TCF7L2: variants seen among roughly 807,000 people sequenced by gnomAD.
The protein encoded by TCF7L2 is transcription factor 7-like 2.
TCF7L2 carries 23 observed loss-of-function variants against 77.9 expected under a neutral mutation model. The ratio of observed to expected loss-of-function variants is 0.30; its 90% CI spans 0.21 to 0.42. TCF7L2 has a LOEUF of 0.42. Among genes scored for constraint, TCF7L2 ranks in the 10% least tolerant of loss-of-function variants. The pLI is 1.00. For missense variants in TCF7L2, 654 were observed against 793.1 expected, an observed-to-expected ratio of 0.82 and a Z score of 2.11; for synonymous variants, 413 against 340.2, an observed-to-expected ratio of 1.21 and a Z score of -2.36.
At chr10:113,029,586 G>A (rs191541959) in intron 4 of TCF7L2, among the ~76,000 whole-genome samples, 1 of 150,508 alleles carries the variant, frequency 6.6e-6, no homozygotes, top group Non-Finnish European at 1.5e-5. Flanking sequence ...GAGTGCAATG[G>A]CGTGATCTCG....
chr10:112,983,620 A>C (rs59908580), intron 4 of TCF7L2, among the ~76,000 whole-genome samples: 2 of 152,012 alleles, frequency 1.3e-5, no homozygotes, highest in South Asian at 2.1e-4. Flanking sequence ...TGGTCAGGCT[A>C]TTGTTTGTCT....
At chr10:113,069,213 C>G (rs2057646040) in intron 5 of TCF7L2, among the ~76,000 whole-genome samples, 1 of 151,286 alleles carries the variant, frequency 6.6e-6, no homozygotes, top group African/African-American at 2.4e-5. Flanking sequence ...GAGGGTGCAA[C>G]AGTGTCTGTA....
chr10:113,097,646 G>GAAAAAAAAAAAAAACAAAAAAAA (rs2061154254), intron 5 of TCF7L2, among the ~76,000 whole-genome samples: 1 of 36,734 alleles, frequency 2.7e-5, no homozygotes, highest in African/African-American at 1.1e-4. Flanking sequence ...TCTTGTCTCG[G>GAAAAAAAAAAAAAACAAAAAAAA]AAAAAAAAAA....
At chr10:113,107,759 A>AAAAAAC (rs2062565885) in intron 5 of TCF7L2, among the ~76,000 whole-genome samples, 1 of 149,988 alleles carries the variant, frequency 6.7e-6, no homozygotes, top group Non-Finnish European at 1.5e-5. Flanking sequence ...GTCTAAAAAA[A>AAAAAAC]AAAAAAAAAA....
chr10:112,957,712 C>G (rs6585194), intron 3 of TCF7L2, among the ~76,000 whole-genome samples: 53,049 of 151,900 alleles, frequency 0.35, 10,230 homozygotes, highest in African/African-American at 0.52. Context: ...CCCTTCATTA[C>G]CCAGGGTGTT....
chr10:113,128,047 A>AAGC (rs2065949795), intron 5 of TCF7L2, among the ~76,000 whole-genome samples: 2 of 152,018 alleles, frequency 1.3e-5, no homozygotes, highest in South Asian at 4.1e-4. Context: ...TGTGTGACAA[A>AAGC]AGCAGCTGCC....
intron 5 of TCF7L2, among the ~76,000 whole-genome samples, chr10:113,104,619 A>G (rs2062045594): frequency 6.6e-6 from 1 of 152,164 alleles, no homozygotes; most frequent in African/African-American, 2.4e-5. Context: ...CAGTGTCCTA[A>G]TGGTCTTGCA....
chr10:113,157,252 G>A (rs776960444), intron 11 of TCF7L2, among the ~76,000 whole-genome samples: 1 of 152,192 alleles, frequency 6.6e-6, no homozygotes, highest in Non-Finnish European at 1.5e-5. Context: ...CCGAGTAGCT[G>A]GGGCTACAGG....
intron 5 of TCF7L2, chr10:113,126,677 T>G: frequency 1.0e-6 from 1 of 985,410 alleles, no homozygotes; most frequent in South Asian, 4.7e-5. Flanking sequence ...TGAATGGAAC[T>G]GTGCGTGAGC....
At chr10:113,152,511 C>T (rs542603281) in intron 11 of TCF7L2, 71 bp downstream of exon 11, 59 of 1,294,848 alleles carry the variant, frequency 4.6e-5, no homozygotes, top group Non-Finnish European at 6.1e-5. Context: ...ACAAAGAGAA[C>T]AGGACCTGCC....
Position 113,165,557 on chromosome 10 carries a change from GA to G in TCF7L2, c.1403del (p.Lys468SerfsTer23), listed in dbSNP as rs745872748. On this transcript the variant is annotated frameshift_variant, in exon 14 of 14. Coordinates refer to ENST00000627217, the MANE Select transcript of TCF7L2 (RefSeq NM_001146274.2). LOFTEE classifies it high-confidence loss of function. ...ATAACTCTCTCCCCTGTTTCTAGGAGAAAAAAAAAGTGCGTTCGCTACATAC... is the reference window on the plus strand; with the variant it reads ...ATAACTCTCTCCCCTGTTTCTAGGAGAAAAAAAAGTGCGTTCGCTACATAC... 3 of 1,606,138 alleles carry G rather than the reference GA, an allele frequency of 1.9e-6. No homozygotes were observed. Among genetic ancestry groups the G allele is most frequent in the South Asian group, 1.1e-5 (1 of 90,596 alleles).
At chr10:113,106,943 C>T (rs2062400095) in intron 5 of TCF7L2, among the ~76,000 whole-genome samples, 2 of 152,162 alleles carry the variant, frequency 1.3e-5, no homozygotes, top group South Asian at 2.1e-4. Flanking sequence ...CACCAGTTCT[C>T]GAACTCAGGA....
At chr10:113,073,754 G>T (rs1479408412) in intron 5 of TCF7L2, among the ~76,000 whole-genome samples, 1 of 151,158 alleles carries the variant, frequency 6.6e-6, no homozygotes, top group African/African-American at 2.4e-5. Context: ...GCTGCTTCCC[G>T]ATCTCCTTTT....
intron 12 of TCF7L2, 127 bp downstream of exon 13, chr10:113,158,844 C>A (rs1293117993): frequency 1.1e-6 from 1 of 898,586 alleles, no homozygotes; most frequent in Non-Finnish European, 1.6e-6. Flanking sequence ...ACCATCAACA[C>A]GGTTTCGTAT....
Position 112,983,114 on chromosome 10 carries a change from G to A in TCF7L2, c.450+18490G>A, listed in dbSNP as rs559814482. The stretch of plus-strand genomic sequence containing the variant: ...GCCTTTTGGTTGTAACGTCTGCTCT[G>A]TTTTTGTTTTTTGTTTTTTTGTTTT... On this transcript the variant is annotated intron_variant, in intron 4 of 13. Coordinates refer to ENST00000627217, the MANE Select transcript of TCF7L2 (RefSeq NM_001146274.2). 4.6e-5 allele frequency among the ~76,000 whole-genome samples: 7 copies of A among 151,792 alleles called. No individual in the cohort carries two copies. The East Asian group carries it at 1.4e-3, about 29-fold the overall frequency.
rs770962902 is a variant in TCF7L2, at chr10:113,165,908, C to T, written c.1745C>T (p.Ser582Phe). The T allele has an allele frequency of 1.3e-6, 2 of 1,589,076 alleles. No homozygotes were observed. Among genetic ancestry groups the T allele is most frequent in the Non-Finnish European group, 1.7e-6 (2 of 1,165,684 alleles). The stretch of plus-strand genomic sequence containing the variant: ...CAGCCGTCGACTTCTTCCTTACATT[C>T]CCACAGCTCCCTGGCCGGGACCCAG... Residue 582 changes from serine to phenylalanine, a missense_variant, in exon 14 of 14, where the codon TCC (serine) becomes TTC (phenylalanine). Physicochemically the swap from Ser to Phe is radical, Grantham distance 155 (BLOSUM62 -2). This residue lies in a region of TCF7L2 where 272 missense variants were observed against 215.4 expected (regional missense o/e 1.26). Transcript: ENST00000627217.
intron 5 of TCF7L2, among the ~76,000 whole-genome samples, chr10:113,085,252 T>C (rs1482775237): frequency 1.3e-5 from 2 of 150,804 alleles, no homozygotes; most frequent in South Asian, 2.1e-4. Context: ...TAATTTTTAG[T>C]AGAGACGAGG....
At chr10:113,129,340 C>T (rs1374391411) in intron 5 of TCF7L2, 2 of 987,204 alleles carry the variant, frequency 2.0e-6, no homozygotes, top group Non-Finnish European at 2.4e-6. Context: ...TTCTTTGCTA[C>T]TCTTAGCGGC....
At chr10:112,976,536 A>G (rs2135076255) in intron 4 of TCF7L2, among the ~76,000 whole-genome samples, 1 of 152,326 alleles carries the variant, frequency 6.6e-6, no homozygotes, top group Middle Eastern at 3.4e-3. Flanking sequence ...TCCCTGTAGC[A>G]CCATGCACTA....
Sources: gnomAD v4.1 joint callset for allele counts (sites outside exome capture counted in the v4.1 genomes callset) on GRCh38, gnomAD v4.1.1 for gene constraint, gnomAD v4.1.1 regional missense constraint, MANE v1.5 for transcripts, NCBI Gene and HGNC (gene_info 2026-07-23, HGNC 2026-07-21) for gene names.